The following KDM4C variants were observed in gnomAD, a reference collection of about 807,000 sequenced individuals.
The protein encoded by KDM4C is lysine-specific demethylase 4C.
Under a neutral mutation model 129.3 loss-of-function variants are expected in KDM4C, and 81 were observed. The ratio of observed to expected loss-of-function variants is 0.63; its 90% CI spans 0.52 to 0.75. The LOEUF is 0.75. KDM4C is among the 30% of genes least tolerant of loss of function. The pLI, the probability that KDM4C is intolerant of heterozygous loss-of-function variation, is 0.00. For missense variants in KDM4C, 1,457 were observed against 1,304.0 expected (o/e 1.12, Z -1.81); for synonymous variants, 573 against 456.1 (o/e 1.26, Z -3.26).
chr9:6,777,946 A>G (rs2130721687), intron 1 of KDM4C, among the ~76,000 whole-genome samples: 1 of 148,752 alleles, frequency 6.7e-6, no homozygotes, highest in East Asian at 2.0e-4. Flanking sequence ...CCATAAAGAC[A>G]GGATCTCACT....
intron 19 of KDM4C, among the ~76,000 whole-genome samples, chr9:7,156,200 G>A (rs532402345): frequency 6.6e-6 from 1 of 152,270 alleles, no homozygotes; most frequent in East Asian, 1.9e-4. Flanking sequence ...TTTTGATGAG[G>A]TTGTTTGTTC....
At chr9:6,876,102 G>A (rs538227614) in intron 5 of KDM4C, among the ~76,000 whole-genome samples, 8 of 152,284 alleles carry the variant, frequency 5.3e-5, no homozygotes, top group African/African-American at 1.9e-4. Context: ...CTTTCAAATT[G>A]TAATCAGCCT....
chr9:6,875,029 G>C lies in KDM4C; in HGVS notation c.630-4983G>C, dbSNP rs1032978780. Among the ~76,000 whole-genome samples, 10 of 152,148 alleles carry C rather than the reference G, an allele frequency of 6.6e-5. 1 individual carries two copies. The South Asian group carries it at 2.1e-3, about 32-fold the overall frequency. ...CGTTTGATTGAGGATGCAGTTGCTG[G>C]TCCTGAGCACACCAGACTGACCCTA... On this transcript the variant is annotated intron_variant, in intron 5 of 21. Coordinates refer to ENST00000381309, the MANE Select transcript of KDM4C (RefSeq NM_015061.6).
chr9:6,977,983 A>G (rs1480228303), intron 8 of KDM4C, among the ~76,000 whole-genome samples: 1 of 152,146 alleles, frequency 6.6e-6, no homozygotes, highest in East Asian at 1.9e-4. Context: ...AGAAACCTCA[A>G]TGTTCTTGTG....
At chr9:6,966,947 T>C (rs904870122) in intron 8 of KDM4C, among the ~76,000 whole-genome samples, 21 of 152,140 alleles carry the variant, frequency 1.4e-4, no homozygotes, top group Non-Finnish European at 2.4e-4. Context: ...TAGGGTCTCG[T>C]TAAAGTTAAA....
intron 1 of KDM4C, among the ~76,000 whole-genome samples, chr9:6,728,166 G>GT (rs1817203497): frequency 1.3e-5 from 2 of 151,384 alleles, no homozygotes; most frequent in African/African-American, 4.8e-5. Context: ...AAGAAAAAGT[G>GT]TTAGTGGGAT....
intron 8 of KDM4C, among the ~76,000 whole-genome samples, chr9:6,976,322 T>C (rs1206435519): frequency 1.3e-5 from 2 of 152,206 alleles, no homozygotes; most frequent in African/African-American, 4.8e-5. Flanking sequence ...GAAGTCATAA[T>C]ACAAGTTAGA....
chr9:7,095,707 T>C (rs1836351613), intron 17 of KDM4C, among the ~76,000 whole-genome samples: 1 of 152,220 alleles, frequency 6.6e-6, no homozygotes, highest in South Asian at 2.1e-4. Flanking sequence ...TAAGGAGTTC[T>C]TCTAAGTAAT....
intron 19 of KDM4C, among the ~76,000 whole-genome samples, chr9:7,153,412 A>T (rs1298861463): frequency 6.6e-6 from 1 of 152,136 alleles, no homozygotes; most frequent in Non-Finnish European, 1.5e-5. Context: ...TATTGTCTGG[A>T]ATACATTCTT....
chr9:7,124,040 A>G (rs181198288), intron 18 of KDM4C, among the ~76,000 whole-genome samples: 27 of 152,282 alleles, frequency 1.8e-4, no homozygotes, highest in East Asian at 1.7e-3. Flanking sequence ...TCTGCTCCCA[A>G]TGAGGCTGGG....
chr9:7,123,894 A>G (rs903166180), intron 18 of KDM4C, among the ~76,000 whole-genome samples: 39 of 152,296 alleles, frequency 2.6e-4, no homozygotes, highest in African/African-American at 8.4e-4. Context: ...GATCCTTGTC[A>G]GTGAGAAGTC....
intron 1 of KDM4C, among the ~76,000 whole-genome samples, chr9:6,722,894 G>A (rs141366199): frequency 2.6e-5 from 4 of 151,856 alleles, no homozygotes; most frequent in African/African-American, 9.7e-5. Flanking sequence ...GAGGTGGGAG[G>A]ATTGCGTGAG....
intron 19 of KDM4C, among the ~76,000 whole-genome samples, chr9:7,155,736 A>G (rs1048462673): frequency 6.6e-6 from 1 of 152,082 alleles, no homozygotes; most frequent in African/African-American, 2.4e-5. Flanking sequence ...TATGTGCCAC[A>G]TTTTCTTAAT....
At chr9:6,747,086 A>T (rs994417158) in intron 1 of KDM4C, among the ~76,000 whole-genome samples, 2 of 150,512 alleles carry the variant, frequency 1.3e-5, no homozygotes, top group African/African-American at 4.9e-5. Flanking sequence ...CCAGCTATTC[A>T]GGAGTCTGAG....
At chr9:7,021,013 A>G (rs1824727424) in intron 15 of KDM4C, among the ~76,000 whole-genome samples, 1 of 148,036 alleles carries the variant, frequency 6.8e-6, no homozygotes, top group Non-Finnish European at 1.5e-5. Flanking sequence ...CCATCCTCCT[A>G]GTCTCTGGCT....
At chr9:7,078,920 C>G (rs1834220043) in intron 17 of KDM4C, among the ~76,000 whole-genome samples, 2 of 152,156 alleles carry the variant, frequency 1.3e-5, no homozygotes, top group South Asian at 2.1e-4. Flanking sequence ...TGAAAGGATA[C>G]AAAGCAAAGT....
At chr9:6,857,016 C>A (rs1290733400) in intron 5 of KDM4C, among the ~76,000 whole-genome samples, 1 of 152,130 alleles carries the variant, frequency 6.6e-6, no homozygotes, top group East Asian at 1.9e-4. Context: ...CTCGGCCTCC[C>A]ATAATTTTTG....
chr9:7,049,636 A>G (rs1356505512), intron 17 of KDM4C, among the ~76,000 whole-genome samples: 2 of 152,132 alleles, frequency 1.3e-5, no homozygotes, highest in African/African-American at 4.8e-5. Context: ...AGAGAAATAA[A>G]GAAGCTTTTA....
intron 5 of KDM4C, among the ~76,000 whole-genome samples, chr9:6,869,124 C>G (rs964569164): frequency 9.9e-5 from 15 of 152,130 alleles, no homozygotes; most frequent in African/African-American, 3.1e-4. Flanking sequence ...AAGAACTGCC[C>G]AACTTTCCAA....
Sources: allele counts gnomAD v4.1 joint callset (sites outside exome capture counted in the v4.1 genomes callset), GRCh38; gene constraint gnomAD v4.1.1; transcripts MANE v1.5; gene names NCBI Gene and HGNC (gene_info 2026-07-23, HGNC 2026-07-21).